Variants in OCIAD1 observed in about 807,000 individuals in gnomAD.
OCIAD1 encodes OCIA domain containing 1.
OCIAD1 carries 29 observed loss-of-function variants against 38.9 expected under a neutral mutation model. The ratio of observed to expected loss-of-function variants is 0.74; its 90% confidence interval spans 0.55 to 1.02. The LOEUF (loss-of-function observed/expected upper bound fraction) is 1.02. Among genes scored for constraint, OCIAD1 ranks in the 50% least tolerant of loss-of-function variants. OCIAD1 has a pLI of 0.00. For missense variants in OCIAD1, 288 were observed against 289.6 expected (o/e 0.99, Z 0.04); for synonymous variants, 110 against 92.0 (o/e 1.20, Z -1.12).
chr4:48,855,120 A>G (rs1560440270), intron 7 of OCIAD1, among the ~76,000 whole-genome samples: 2 of 152,274 alleles, frequency 1.3e-5, no homozygotes, highest in African/African-American at 4.8e-5. Flanking sequence ...AAAAAGTATT[A>G]GACCTGGAAG....
At chr4:48,809,812 A>G (rs1777067442) in intron 1 of OCIAD1, among the ~76,000 whole-genome samples, 1 of 152,158 alleles carries the variant, frequency 6.6e-6, no homozygotes, top group Admixed American at 6.6e-5. Context: ...TTTCCCAGAA[A>G]GTTTGCCCTG....
intron 3 of OCIAD1, among the ~76,000 whole-genome samples, chr4:48,840,908 T>C (rs1778466311): frequency 6.6e-6 from 1 of 151,200 alleles, no homozygotes; most frequent in African/African-American, 2.4e-5. Flanking sequence ...TCCCAACCAC[T>C]TGGGAGGCTG....
intron 7 of OCIAD1, among the ~76,000 whole-genome samples, chr4:48,855,344 A>G (rs1266179397): frequency 2.0e-5 from 3 of 152,218 alleles, no homozygotes; most frequent in African/African-American, 7.2e-5. Context: ...CTTATTACTA[A>G]TGAAATGCAA....
rs1298046504 is a variant in OCIAD1, at chr4:48,857,301, A to G, written c.636A>G (p.Val212=). The G allele has an allele frequency of 6.2e-7, 1 of 1,602,218 alleles. No individual in the cohort carries two copies. Among genetic ancestry groups the G allele is most frequent in the East Asian group, 2.3e-5 (1 of 44,360 alleles). Reference sequence around the variant, plus strand: ...ATAAGAACAGAGAGTCATATGAAGTATCTTTAACACAAAAGACTGACCCCT... The same window carrying G: ...ATAAGAACAGAGAGTCATATGAAGTGTCTTTAACACAAAAGACTGACCCCT... The part of the protein sequence containing the change: ...LRNKNRESYE[V]SLTQKTDPSV... The change falls in exon 8 of 9, where the codon GTA becomes GTG. Residue 212 remains valine, a synonymous_variant. Transcript: ENST00000264312.
At chr4:48,857,671 G>A (rs755818894) in intron 8 of OCIAD1, among the ~76,000 whole-genome samples, 11 of 151,492 alleles carry the variant, frequency 7.3e-5, no homozygotes, top group Non-Finnish European at 1.3e-4. Context: ...AGGCCCCCAC[G>A]CCCAGCTAAT....
At chr4:48,853,936 A>C in intron 7 of OCIAD1, among the ~76,000 whole-genome samples, 1 of 152,196 alleles carries the variant, frequency 6.6e-6, no homozygotes, top group South Asian at 2.1e-4. Flanking sequence ...CTTAATCCTC[A>C]ACTCTGATTT....
chr4:48,843,528 T>A (rs1278866449), intron 4 of OCIAD1, among the ~76,000 whole-genome samples: 1 of 152,224 alleles, frequency 6.6e-6, no homozygotes, highest in African/African-American at 2.4e-5. Flanking sequence ...ATAAAAGTAG[T>A]TTTGGAGGCA....
chr4:48,832,993 G>A (rs1042167587), intron 2 of OCIAD1, among the ~76,000 whole-genome samples: 1 of 152,132 alleles, frequency 6.6e-6, no homozygotes, highest in African/African-American at 2.4e-5. Context: ...GCTCATGCCT[G>A]TAATCCCAGC....
intron 1 of OCIAD1, among the ~76,000 whole-genome samples, chr4:48,819,808 A>C (rs1220428621): frequency 1.3e-5 from 2 of 152,044 alleles, no homozygotes; most frequent in Non-Finnish European, 2.9e-5. Context: ...AAAAAAAGAC[A>C]AAGAAGGGCA....
Position 48,857,215 on chromosome 4 carries a change from C to T in OCIAD1, c.550C>T (p.Pro184Ser), listed in dbSNP as rs771247966. 2 of 1,525,342 alleles carry T rather than the reference C, an allele frequency of 1.3e-6. No individual in the cohort carries two copies. Among genetic ancestry groups the T allele is most frequent in the Non-Finnish European group, 1.8e-6 (2 of 1,137,462 alleles). 94.5% of individuals were successfully genotyped at this position (1,525,342 alleles called of 1,614,324 possible). A position where few individuals can be genotyped will look rare whatever the true frequency, so the allele number is the denominator to read the frequency against. ...TGITDHIVQG[P>S]DPNLEESPKR... ...TTATTAACTGTTTGTTGTTTTAGGA[C>T]CTGATCCCAACCTTGAAGAAAGTCC... The change falls in exon 8 of 9, where the codon CCT becomes TCT. Residue 184 changes from proline to serine, a missense_variant and splice_region_variant. Coordinates refer to ENST00000264312, the MANE Select transcript of OCIAD1 (RefSeq NM_017830.4).
rs138394941 is a variant in OCIAD1, at chr4:48,815,461, C to T, written c.-103+10131C>T. Among the ~76,000 whole-genome samples, 849 of 152,192 alleles carry T rather than the reference C, an allele frequency of 5.6e-3. 2 individuals are homozygous for T. Among genetic ancestry groups the T allele is most frequent in the Middle Eastern group, 0.017 (5 of 294 alleles). The stretch of plus-strand genomic sequence containing the variant: ...GAAACTTCATTTGCATGAAACTATG[C>T]TTTTTTGGAATGACCTGCAAAACCT... On this transcript the variant is annotated intron_variant, in intron 1 of 6. Coordinates refer to the OCIAD1 transcript ENST00000504654.
chr4:48,815,969 G>T (rs562021384), intron 1 of OCIAD1, among the ~76,000 whole-genome samples: 2 of 151,790 alleles, frequency 1.3e-5, no homozygotes, highest in East Asian at 3.9e-4. Context: ...CTATCTGATT[G>T]TTTTCTTTTC....
At chr4:48,823,448 G>A (rs201743736) in intron 1 of OCIAD1, among the ~76,000 whole-genome samples, 7 of 151,782 alleles carry the variant, frequency 4.6e-5, no homozygotes, top group East Asian at 1.9e-4. Flanking sequence ...AATGGATGCG[G>A]CGTTTAAAAC....
intron 3 of OCIAD1, among the ~76,000 whole-genome samples, chr4:48,838,299 C>G (rs1778191624): frequency 6.9e-6 from 1 of 144,244 alleles, no homozygotes; most frequent in Non-Finnish European, 1.5e-5. Flanking sequence ...GCCTGGGCGA[C>G]AGAGCGAGAC....
chr4:48,826,345 A>G (rs1777250453), upstream of OCIAD1, among the ~76,000 whole-genome samples: 1 of 151,514 alleles, frequency 6.6e-6, no homozygotes, highest in South Asian at 2.1e-4. Flanking sequence ...GATGTTCCCC[A>G]CCCTGTGTCC....
chr4:48,819,289 G>C (rs567929901), intron 1 of OCIAD1, among the ~76,000 whole-genome samples: 1 of 152,136 alleles, frequency 6.6e-6, no homozygotes, highest in South Asian at 2.1e-4. Flanking sequence ...TTAATATCTA[G>C]CCAAACTAAG....
intron 4 of OCIAD1, among the ~76,000 whole-genome samples, chr4:48,845,550 C>T (rs1778907206): frequency 6.6e-6 from 1 of 152,042 alleles, no homozygotes; most frequent in South Asian, 2.1e-4. Flanking sequence ...TAGCACTAAA[C>T]AACAAAAATT....
chr4:48,834,880 G>A (rs917225576), intron 3 of OCIAD1, among the ~76,000 whole-genome samples: 1 of 152,186 alleles, frequency 6.6e-6, no homozygotes, highest in African/African-American at 2.4e-5. Context: ...TACCTGTTGG[G>A]AAGATAAGTT....
intron 1 of OCIAD1, among the ~76,000 whole-genome samples, chr4:48,825,349 G>C (rs1452404290): frequency 6.6e-6 from 1 of 152,088 alleles, no homozygotes; most frequent in African/African-American, 2.4e-5. Flanking sequence ...CATGAATCCA[G>C]GTCATCTAAC....
Sources: gnomAD v4.1 joint callset for allele counts (sites outside exome capture counted in the v4.1 genomes callset) on GRCh38, gnomAD v4.1.1 for gene constraint, MANE v1.5 for transcripts, NCBI Gene and HGNC (gene_info 2026-07-23, HGNC 2026-07-21) for gene names.